Variants in RLBP1 observed in about 807,000 individuals in gnomAD.
The protein encoded by RLBP1 is retinaldehyde binding protein 1.
A neutral mutation model predicts 36.2 loss-of-function variants in RLBP1; 26 were observed. The ratio of observed to expected loss-of-function variants is 0.72; its 90% confidence interval spans 0.53 to 1.00. The LOEUF is 1.00. RLBP1 is among the 50% of genes least tolerant of loss of function. RLBP1 has a pLI of 0.00. For synonymous variants in RLBP1, 155 were observed against 156.2 expected, an observed-to-expected ratio of 0.99 and a Z score of 0.06; for missense variants, 410 against 402.4, an observed-to-expected ratio of 1.02 and a Z score of -0.16.
chr15:89,218,837 G>A lies in RLBP1; in HGVS notation c.12+127C>T, dbSNP rs2051604124. The stretch of plus-strand genomic sequence containing the variant: ...TTGTGGGGTCAGGACCCACACAGGG[G>A]TTATAGAAGTGTGTGCCTATATTCC... On this transcript the variant is annotated intron_variant, in intron 3 of 8. Coordinates refer to ENST00000268125, the MANE Select transcript of RLBP1 (RefSeq NM_000326.5). The surrounding 1 kb of genome is among the most constrained non-coding windows in gnomAD (Gnocchi z 4.6). 2.7e-6 allele frequency: 4 copies of A among 1,496,018 alleles called. No individual in the cohort carries two copies. Among genetic ancestry groups the A allele is most frequent in the East Asian group, 2.3e-5 (1 of 43,818 alleles). 92.7% of individuals were successfully genotyped at this position (1,496,018 alleles called of 1,614,324 possible).
rs1347107340 is a variant in RLBP1 at position 89,214,210 on chromosome 15, C to G, written c.525+850G>C. Among the ~76,000 whole-genome samples the G allele has an allele frequency of 6.6e-6, 1 of 152,120 alleles. No individual in the cohort carries two copies. Among genetic ancestry groups the G allele is most frequent in the East Asian group, 1.9e-4 (1 of 5,190 alleles). ...GTGCGGTGTCTTATGCCTGTAATCCCAGCACTTTGGGAGGCCGAGGTGGGC... is the reference window on the plus strand; with the variant it reads ...GTGCGGTGTCTTATGCCTGTAATCCGAGCACTTTGGGAGGCCGAGGTGGGC... On this transcript the variant is annotated intron_variant, in intron 6 of 8. Transcript: ENST00000268125. The surrounding 1 kb of genome is among the most constrained non-coding windows in gnomAD (Gnocchi z 4.6).
chr15:89,211,249 G>A lies in RLBP1; in HGVS notation c.685-440C>T, dbSNP rs186765370. Among the ~76,000 whole-genome samples, 479 of 151,912 alleles carry A rather than the reference G, an allele frequency of 3.2e-3. 1 individual carries two copies. The highest frequency in any genetic ancestry group is 4.6e-3 in the Non-Finnish European group (313 of 67,986). On this transcript the variant is annotated intron_variant, in intron 7 of 8. Transcript: ENST00000268125. This position sits in a 1 kb window ranked among gnomAD's most constrained non-coding sequence, Gnocchi z 5.8. ...CACCCCTCCTTTCCCAATACACAGAGCAGATCTAAGATGGCTCTAAGAAAG... is the reference window on the plus strand; with the variant it reads ...CACCCCTCCTTTCCCAATACACAGAACAGATCTAAGATGGCTCTAAGAAAG...
rs2051528636 is a variant in RLBP1, at chr15:89,210,524, G to A, written c.796-81C>T. On this transcript the variant is annotated intron_variant, in intron 8 of 8. Coordinates refer to ENST00000268125, the MANE Select transcript of RLBP1 (RefSeq NM_000326.5). The surrounding 1 kb of genome is among the most constrained non-coding windows in gnomAD (Gnocchi z 4.7). ...GGTTGAGGGAGGAAAGGGGCAGGAG[G>A]ACAAAGCCCCATCATGTGCAGTCTT... 2 of 1,501,450 alleles carry A rather than the reference G, an allele frequency of 1.3e-6. No individual in the cohort carries two copies. Among genetic ancestry groups the A allele is most frequent in the South Asian group, 1.1e-5 (1 of 87,672 alleles). The allele number at this position is 1,501,450 out of a possible 1,614,324, so 93.0% of individuals were successfully genotyped here. A position where few individuals can be genotyped will look rare whatever the true frequency, so the allele number is the denominator to read the frequency against.
Position 89,217,169 on chromosome 15 carries a change from G to A in RLBP1, c.297C>T (p.Phe99=), listed in dbSNP as rs781119350. ...QEKDSGFFLR[F]IRARKFNVGR... The stretch of plus-strand genomic sequence containing the variant: ...CCACGTTGAACTTCCGTGCGCGGAT[G>A]AAGCGCAGGAAGAAGCCGCTGTCCT... The change falls in exon 5 of 9, where the codon TTC becomes TTT. Residue 99 remains phenylalanine, a synonymous_variant. Coordinates refer to ENST00000268125, the MANE Select transcript of RLBP1 (RefSeq NM_000326.5). The A allele has an allele frequency of 1.9e-6, 3 of 1,614,080 alleles. No individual in the cohort carries two copies. Among genetic ancestry groups the A allele is most frequent in the Non-Finnish European group, 2.5e-6 (3 of 1,180,038 alleles).
In RLBP1 at chr15:89,210,124, C is replaced by G. The variant is rs1442974250; in HGVS notation, c.*161G>C. 1 of 755,094 alleles carries G rather than the reference C, an allele frequency of 1.3e-6. No homozygotes were observed. Among genetic ancestry groups the G allele is most frequent in the Non-Finnish European group, 2.3e-6 (1 of 438,922 alleles). The allele number at this position is 755,094 out of a possible 1,614,324, so 46.8% of individuals were successfully genotyped here. ...GAATTCCCCCTCCTTTATTACCCAT[C>G]CCCCAACTTGAGAACAGGGTGACAC... is the stretch of plus-strand genomic sequence containing the variant. On this transcript the variant is annotated 3_prime_UTR_variant, in exon 9 of 9. Transcript: ENST00000268125. The surrounding 1 kb of genome is among the most constrained non-coding windows in gnomAD (Gnocchi z 4.7).
Position 89,214,608 on chromosome 15 carries a change from A to T in RLBP1, c.525+452T>A, listed in dbSNP as rs922704060. ...TGGGGCAGCCCCCTTAACGGCTCAG[A>T]CAAGCAAAATTGCGTACACAATTTT... On this transcript the variant is annotated intron_variant, in intron 6 of 8. Transcript: ENST00000268125. The surrounding 1 kb of genome is among the most constrained non-coding windows in gnomAD (Gnocchi z 4.6). Among the ~76,000 whole-genome samples, 3 of 142,486 alleles carry T rather than the reference A, an allele frequency of 2.1e-5. No homozygotes were observed. The Admixed American group carries it at 2.2e-4, about 11-fold the overall frequency. The allele number at this position is 142,486 out of a possible 152,430, so 93.5% of individuals were successfully genotyped here. A position where few individuals can be genotyped will look rare whatever the true frequency, so the allele number is the denominator to read the frequency against.
Position 89,210,637 on chromosome 15 carries a change from G to A in RLBP1, c.795+62C>T. On this transcript the variant is annotated intron_variant, in intron 8 of 8. Transcript: ENST00000268125. The surrounding 1 kb of genome is among the most constrained non-coding windows in gnomAD (Gnocchi z 4.7). ...AGGACCATGGTAGAGTGTGAGGAGG[G>A]CTCAGGTGAGGCCCCACCCTCAGCC... 7.6e-7 allele frequency: 1 copy of A among 1,318,978 alleles called. No homozygotes were observed. The highest frequency in any genetic ancestry group is 1.1e-6 in the Non-Finnish European group (1 of 932,900). 81.7% of individuals were successfully genotyped at this position (1,318,978 alleles called of 1,614,324 possible). A position where few individuals can be genotyped will look rare whatever the true frequency, so the allele number is the denominator to read the frequency against.
rs28706627 is a variant in RLBP1, at chr15:89,217,700, T to C, written c.142-376A>G. On this transcript the variant is annotated intron_variant, in intron 4 of 8. Coordinates refer to ENST00000268125, the MANE Select transcript of RLBP1 (RefSeq NM_000326.5). ...TCTCAGATGAGCAGACTGAGGCTCATAAAGGTGAAGATATTCTTGCTCAAG... is the reference window on the plus strand; with the variant it reads ...TCTCAGATGAGCAGACTGAGGCTCACAAAGGTGAAGATATTCTTGCTCAAG... Among the ~76,000 whole-genome samples the C allele has an allele frequency of 5.9e-3, 894 of 152,292 alleles. 6 individuals are homozygous for C. The highest frequency in any genetic ancestry group is 0.02 in the African/African-American group (830 of 41,560).
Position 89,211,608 on chromosome 15 carries a change from CTGTGGCTGTCACTGCTCTT to C in RLBP1, c.684+116_684+134del. 1 of 811,600 alleles carries C rather than the reference CTGTGGCTGTCACTGCTCTT, an allele frequency of 1.2e-6. No homozygotes were observed. Among genetic ancestry groups the C allele is most frequent in the Non-Finnish European group, 2.0e-6 (1 of 502,844 alleles). 50.3% of individuals were successfully genotyped at this position (811,600 alleles called of 1,614,324 possible). On this transcript the variant is annotated intron_variant, in intron 7 of 8. Coordinates refer to ENST00000268125, the MANE Select transcript of RLBP1 (RefSeq NM_000326.5). The surrounding 1 kb of genome is among the most constrained non-coding windows in gnomAD (Gnocchi z 5.8). ...ACTATGCAGGTGCTTATGGTTGGGA[CTGTGGCTGTCACTGCTCTT>C]TATGGCGCGAGGTGGTCCAACTTCT...
In RLBP1 at chr15:89,218,995, G is replaced by A. The variant is rs767037149; in HGVS notation, c.-20C>T. ...TGACATGTTGCCTATGGAAGACACA[G>A]AGTCCTTGGAAAAAGAAGGGATCTG... On this transcript the variant is annotated 5_prime_UTR_variant, in exon 3 of 9. Coordinates refer to ENST00000268125, the MANE Select transcript of RLBP1 (RefSeq NM_000326.5). This position sits in a 1 kb window ranked among gnomAD's most constrained non-coding sequence, Gnocchi z 4.6. The A allele has an allele frequency of 4.3e-6, 7 of 1,614,004 alleles. No individual in the cohort carries two copies. In the African/African-American group the frequency reaches 8.0e-5, roughly 18 times the overall value.
chr15:89,210,860 G>A lies in RLBP1; in HGVS notation c.685-51C>T. On this transcript the variant is annotated intron_variant, in intron 7 of 8. Transcript: ENST00000268125. This position sits in a 1 kb window ranked among gnomAD's most constrained non-coding sequence, Gnocchi z 4.7. Reference sequence around the variant, plus strand: ...TCCCCATGGCCCCAGTGACCTCAGAGGCTCCCACTCATTCCCTGCTGCCTC... The same window carrying A: ...TCCCCATGGCCCCAGTGACCTCAGAAGCTCCCACTCATTCCCTGCTGCCTC... 1.6e-6 allele frequency: 2 copies of A among 1,250,876 alleles called. No individual in the cohort carries two copies. The highest frequency in any genetic ancestry group is 1.9e-4 in the Middle Eastern group (1 of 5,394). The allele number at this position is 1,250,876 out of a possible 1,614,324, so 77.5% of individuals were successfully genotyped here.
At chr15:89,217,722 C>G (rs993727490) in intron 4 of RLBP1, among the ~76,000 whole-genome samples, 2 of 152,200 alleles carry the variant, frequency 1.3e-5, no homozygotes, top group Non-Finnish European at 2.9e-5. Context: ...TATTCTTGCT[C>G]AAGGTCACCC....
At position 89,210,741 on chromosome 15, in the gene RLBP1, G is replaced by A. The variant is rs151141842; in HGVS notation, c.753C>T (p.Tyr251=). The A allele has an allele frequency of 1.9e-6, 3 of 1,603,178 alleles. No individual in the cohort carries two copies. Among genetic ancestry groups the A allele is most frequent in the Non-Finnish European group, 2.6e-6 (3 of 1,173,876 alleles). The part of the protein sequence containing the change: ...IHQPWYFTTT[Y]NVVKPFLKSK... ...TCTTCAAGAAGGGCTTGACCACATT[G>A]TAGGTCGTGGTGAAGTACCATGGCT... is the stretch of plus-strand genomic sequence containing the variant. Residue 251 remains tyrosine, a synonymous_variant, in exon 8 of 9, where the codon TAC becomes TAT. Transcript: ENST00000268125. The surrounding 1 kb of genome is among the most constrained non-coding windows in gnomAD (Gnocchi z 4.7).
rs1360267966 is a variant in RLBP1, at chr15:89,210,193, C to A, written c.*92G>T. ...AGGGAGTCTAAGGGGGGACCACAGT[C>A]ATCTCAAGCAGCCCTTTCCTAGCCT... On this transcript the variant is annotated 3_prime_UTR_variant, in exon 9 of 9. Transcript: ENST00000268125. The surrounding 1 kb of genome is among the most constrained non-coding windows in gnomAD (Gnocchi z 4.7). 1.4e-6 allele frequency: 2 copies of A among 1,472,082 alleles called. No homozygotes were observed. The highest frequency in any genetic ancestry group is 2.8e-5 in the African/African-American group (2 of 72,340). The allele number at this position is 1,472,082 out of a possible 1,614,324, so 91.2% of individuals were successfully genotyped here.
Position 89,213,507 on chromosome 15 carries a change from G to A in RLBP1, c.525+1553C>T, listed in dbSNP as rs189977628. Among the ~76,000 whole-genome samples the A allele has an allele frequency of 2.9e-3, 446 of 152,182 alleles. 10 individuals carry two copies. The highest frequency in any genetic ancestry group is 0.028 in the Admixed American group (423 of 15,276). ...ACTAGAAGATATAATGGAAGAAAGA[G>A]CCCCATTTTTAGCAATGACAACAAA... On this transcript the variant is annotated intron_variant, in intron 6 of 8. Coordinates refer to ENST00000268125, the MANE Select transcript of RLBP1 (RefSeq NM_000326.5).
At chr15:89,217,375 G>T (rs1232564941) in intron 4 of RLBP1, 51 bp from the exon 5 acceptor site, 3 of 1,563,156 alleles carry the variant, frequency 1.9e-6, no homozygotes, top group Non-Finnish European at 2.6e-6. Context: ...CGGGTGAGGG[G>T]CAGGACACAC....
At chr15:89,220,788 C>A (rs1310102753) in intron 1 of RLBP1, among the ~76,000 whole-genome samples, 1 of 152,106 alleles carries the variant, frequency 6.6e-6, no homozygotes, top group African/African-American at 2.4e-5. Flanking sequence ...GTTGTGCAGA[C>A]CATCAGAACA....
Position 89,211,898 on chromosome 15 carries a change from A to G in RLBP1, c.529T>C (p.Leu177=), listed in dbSNP as rs78719794. The part of the protein sequence containing the change: ...QSQEITFDEI[L]QAYCFILEKL... Reference sequence around the variant, plus strand: ...TCCAGGATGAAGCAATATGCCTGCAAGATCTTGGGCACAGAGAGAACAGGC... The same window carrying G: ...TCCAGGATGAAGCAATATGCCTGCAGGATCTTGGGCACAGAGAGAACAGGC... Residue 177 remains leucine, a synonymous_variant, in exon 7 of 9, where the codon TTG becomes CTG. Coordinates refer to ENST00000268125, the MANE Select transcript of RLBP1 (RefSeq NM_000326.5). The surrounding 1 kb of genome is among the most constrained non-coding windows in gnomAD (Gnocchi z 5.8). The G allele has an allele frequency of 2.3e-3, 3,696 of 1,614,212 alleles. 69 individuals are homozygous for G. In the African/African-American group the frequency reaches 0.042, roughly 18 times the overall value.
In RLBP1 at chr15:89,211,776, A is replaced by G; in HGVS notation, c.651T>C (p.Thr217=). ...FTMQQAASLR[T]SDLRKMVDML... ...TGTCCACCATCTTCCTGAGATCTGAAGTCCGGAGACTAGCAGCCTGCTGCA... is the reference window on the plus strand; with the variant it reads ...TGTCCACCATCTTCCTGAGATCTGAGGTCCGGAGACTAGCAGCCTGCTGCA... Residue 217 remains threonine, a synonymous_variant, in exon 7 of 9, where the codon ACT becomes ACC. Transcript: ENST00000268125. The surrounding 1 kb of genome is among the most constrained non-coding windows in gnomAD (Gnocchi z 5.8). 6.2e-7 allele frequency: 1 copy of G among 1,614,068 alleles called. No homozygotes were observed. The highest frequency in any genetic ancestry group is 1.1e-5 in the South Asian group (1 of 91,074).
Sources: gnomAD v4.1 joint callset for allele counts (sites outside exome capture counted in the v4.1 genomes callset) on GRCh38, gnomAD v4.1.1 for gene constraint, Gnocchi (gnomAD v3.1) non-coding constraint, MANE v1.5 for transcripts, NCBI Gene and HGNC (gene_info 2026-07-23, HGNC 2026-07-21) for gene names.